The following GRIK3 variants were observed in gnomAD, a reference collection of about 807,000 sequenced individuals.
GRIK3 encodes glutamate ionotropic receptor kainate type subunit 3.
GRIK3 carries 29 observed loss-of-function variants against 102.5 expected under a neutral mutation model. That is an observed-to-expected ratio of 0.28 (90% CI 0.21 to 0.39). GRIK3 has a LOEUF of 0.39. GRIK3 is among the 10% of genes least tolerant of loss of function. The pLI, the probability that GRIK3 is intolerant of heterozygous loss-of-function variation, is 1.00. For synonymous variants in GRIK3, 511 were observed against 504.9 expected (o/e 1.01, Z -0.16); for missense variants, 908 against 1,252.4 (o/e 0.73, Z 4.15).
In GRIK3 at chr1:36,850,100, G is replaced by A. The variant is rs748567971; in HGVS notation, c.1326+211C>T. 5.9e-5 allele frequency: 33 copies of A among 558,398 alleles called. No individual in the cohort carries two copies. Among genetic ancestry groups the A allele is most frequent in the Non-Finnish European group, 9.0e-5 (28 of 312,376 alleles). The allele number at this position is 558,398 out of a possible 1,614,324, so 34.6% of individuals were successfully genotyped here. Reference sequence around the variant, plus strand: ...GGACTTGGGGAGTGAGTGGGAGTGAGACACAAAAACGCAGCGGCTTCCGCC... The same window carrying A: ...GGACTTGGGGAGTGAGTGGGAGTGAAACACAAAAACGCAGCGGCTTCCGCC... On this transcript the variant is annotated intron_variant, in intron 9 of 15. Coordinates refer to ENST00000373091, the MANE Select transcript of GRIK3 (RefSeq NM_000831.4). This position sits in a 1 kb window ranked among gnomAD's most constrained non-coding sequence, Gnocchi z 4.0.
At chr1:36,951,672 C>A (rs1421656196) in intron 1 of GRIK3, among the ~76,000 whole-genome samples, 3 of 152,138 alleles carry the variant, frequency 2.0e-5, no homozygotes, top group African/African-American at 7.2e-5. Context: ...TTGTGCTCTC[C>A]CCCTTGGGCA....
rs538628946 is a variant in GRIK3, at chr1:37,032,877, G to C, written c.115+1117C>G. 2.6e-5 allele frequency among the ~76,000 whole-genome samples: 4 copies of C among 152,314 alleles called. No homozygotes were observed. In the East Asian group the frequency reaches 5.8e-4, roughly 22 times the overall value. The stretch of plus-strand genomic sequence containing the variant: ...GGAAACCAAGCCCGACACCGGTTCC[G>C]GCACCTCTTTCACGCCGCTGGCAGC... On this transcript the variant is annotated intron_variant, in intron 1 of 15. Coordinates refer to ENST00000373091, the MANE Select transcript of GRIK3 (RefSeq NM_000831.4).
At chr1:36,974,812 A>C (rs1349508979) in intron 1 of GRIK3, among the ~76,000 whole-genome samples, 1 of 151,348 alleles carries the variant, frequency 6.6e-6, no homozygotes, top group Non-Finnish European at 1.5e-5. Flanking sequence ...AAAAAAAAAA[A>C]CAAAAAAAAA....
At chr1:36,991,930 G>T (rs72653515) in intron 1 of GRIK3, among the ~76,000 whole-genome samples, 1 of 152,118 alleles carries the variant, frequency 6.6e-6, no homozygotes, top group Non-Finnish European at 1.5e-5. Context: ...GGCAGAGCTG[G>T]TGTGGCCAGC....
intron 1 of GRIK3, among the ~76,000 whole-genome samples, chr1:36,917,533 A>G (rs999657150): frequency 2.0e-5 from 3 of 152,174 alleles, no homozygotes; most frequent in Non-Finnish European, 2.9e-5. Context: ...TAATTGAATC[A>G]TGGGGGCAGG....
intron 1 of GRIK3, among the ~76,000 whole-genome samples, chr1:37,033,194 G>C (rs1642847078): frequency 6.6e-6 from 1 of 152,270 alleles, no homozygotes; most frequent in Admixed American, 6.5e-5. Context: ...GGCGAGAAGA[G>C]ACGCGGAGAA....
At position 36,960,072 on chromosome 1, in the gene GRIK3, ATGTGCCCCATGACTC is replaced by A. The variant is rs1242495284; in HGVS notation, c.116-68991_116-68977del. 1.1e-4 allele frequency among the ~76,000 whole-genome samples: 7 copies of A among 64,684 alleles called. 1 individual carries two copies. Among genetic ancestry groups the A allele is most frequent in the Non-Finnish European group, 2.2e-4 (7 of 31,208 alleles). 42.4% of individuals were successfully genotyped at this position (64,684 alleles called of 152,430 possible). On this transcript the variant is annotated intron_variant, in intron 1 of 15. Coordinates refer to ENST00000373091, the MANE Select transcript of GRIK3 (RefSeq NM_000831.4). ...TGTGAGCCTGTGTGCCCTGTGAGCC[ATGTGCCCCATGACTC>A]TGTGCCCCATAAGCCTGTGTGCTCT...
rs1642501597 is a variant in GRIK3 at position 36,806,271 on chromosome 1, G to A, written c.2147C>T (p.Ser716Leu). 6.8e-6 allele frequency: 11 copies of A among 1,614,162 alleles called. No individual in the cohort carries two copies. The highest frequency in any genetic ancestry group is 8.5e-6 in the Non-Finnish European group (10 of 1,179,990). ...KMWAFMSSKP[S>L]ALVKNNEEGI... Reference sequence around the variant, plus strand: ...CTCCTCGTTGTTCTTCACCAGCGCCGATGGCTTGCTGCTCATGAAGGCCCA... The same window carrying A: ...CTCCTCGTTGTTCTTCACCAGCGCCAATGGCTTGCTGCTCATGAAGGCCCA... Residue 716 changes from serine to leucine, a missense_variant, in exon 14 of 16, where the codon TCG becomes TTG. Ser to Leu is a moderately radical substitution (Grantham distance 145). This residue lies in a region of GRIK3 where 297 missense variants were observed against 362.7 expected (regional missense o/e 0.82). Transcript: ENST00000373091. The surrounding 1 kb of genome is among the most constrained non-coding windows in gnomAD (Gnocchi z 4.0).
At chr1:36,959,985 CCTCTGTGCCCCGTG>C (rs1641985729) in intron 1 of GRIK3, among the ~76,000 whole-genome samples, 1 of 96,564 alleles carries the variant, frequency 1.0e-5, no homozygotes. Flanking sequence ...GCCCCATGAG[CCTCTGTGCCCCGTG>C]AGTCTGTGTG....
At chr1:36,971,848 C>T (rs1260769880) in intron 1 of GRIK3, among the ~76,000 whole-genome samples, 2 of 152,188 alleles carry the variant, frequency 1.3e-5, no homozygotes, top group African/African-American at 4.8e-5. Flanking sequence ...CTTCTTGCAG[C>T]CACATTATAT....
At chr1:36,929,634 C>G (rs1340161449) in intron 1 of GRIK3, among the ~76,000 whole-genome samples, 1 of 152,098 alleles carries the variant, frequency 6.6e-6, no homozygotes, top group Non-Finnish European at 1.5e-5. Flanking sequence ...TGAATATCTC[C>G]TGGGGCCAGA....
chr1:37,001,815 C>T (rs1312650069), intron 1 of GRIK3, among the ~76,000 whole-genome samples: 4 of 152,220 alleles, frequency 2.6e-5, no homozygotes, highest in South Asian at 2.1e-4. Flanking sequence ...AGGTGAAGGA[C>T]GGCTGTGCAT....
In GRIK3 at chr1:36,838,723, C is replaced by T. The variant is rs1049112569; in HGVS notation, c.1530+3013G>A. The stretch of plus-strand genomic sequence containing the variant: ...CAAAGGTGGGCATTCATCATCTTTA[C>T]GCCTACATTCAGATCCCTAATAAGG... On this transcript the variant is annotated intron_variant, in intron 10 of 15. Transcript: ENST00000373091. Among the ~76,000 whole-genome samples, 6 of 152,168 alleles carry T rather than the reference C, an allele frequency of 3.9e-5. No individual in the cohort carries two copies. In the South Asian group the frequency reaches 1.0e-3, roughly 26 times the overall value.
At chr1:36,953,512 G>T (rs1641869083) in intron 1 of GRIK3, among the ~76,000 whole-genome samples, 1 of 152,002 alleles carries the variant, frequency 6.6e-6, no homozygotes, top group Non-Finnish European at 1.5e-5. Context: ...AAGGGTGAGG[G>T]CTAGGGCATA....
Position 36,880,288 on chromosome 1 carries a change from G to A in GRIK3, c.550+346C>T, listed in dbSNP as rs918590526. ...GGATGTGTTTGCAGCAGATGGAAAT[G>A]TGTGAGCGTAAGGGCATGGGCAGGT... On this transcript the variant is annotated intron_variant, in intron 3 of 15. Transcript: ENST00000373091. This position sits in a 1 kb window ranked among gnomAD's most constrained non-coding sequence, Gnocchi z 5.4. Among the ~76,000 whole-genome samples, 1 of 152,192 alleles carries A rather than the reference G, an allele frequency of 6.6e-6. No homozygotes were observed. The highest frequency in any genetic ancestry group is 2.1e-4 in the South Asian group (1 of 4,828).
chr1:37,015,933 G>A (rs1350552980), intron 1 of GRIK3, among the ~76,000 whole-genome samples: 2 of 152,376 alleles, frequency 1.3e-5, no homozygotes, highest in East Asian at 3.9e-4. Context: ...CCTGCACCAT[G>A]TCCACACACC....
At chr1:36,988,440 C>T (rs1264406506) in intron 1 of GRIK3, among the ~76,000 whole-genome samples, 4 of 152,248 alleles carry the variant, frequency 2.6e-5, no homozygotes, top group East Asian at 3.9e-4. Context: ...CATCTGCAGG[C>T]GTTGGGAACA....
chr1:36,936,089 G>A (rs569077136), intron 1 of GRIK3, among the ~76,000 whole-genome samples: 22 of 152,252 alleles, frequency 1.4e-4, no homozygotes, highest in Admixed American at 1.0e-3. Flanking sequence ...GATAAATAAC[G>A]CAAAGAGGAA....
intron 5 of GRIK3, 116 bp downstream of exon 5, chr1:36,869,632 C>T (rs575247): frequency 0.014 from 11,274 of 811,652 alleles, 626 homozygotes; most frequent in African/African-American, 0.14. Context: ...GCCACCCCTA[C>T]AGCCTGAGGA....
Sources: allele counts gnomAD v4.1 joint callset (sites outside exome capture counted in the v4.1 genomes callset), GRCh38; gene constraint gnomAD v4.1.1; regional missense constraint gnomAD v4.1.1; non-coding constraint Gnocchi (gnomAD v3.1); transcripts MANE v1.5; gene names NCBI Gene and HGNC (gene_info 2026-07-23, HGNC 2026-07-21).